The following RABL3 variants were observed in gnomAD, a reference collection of about 807,000 sequenced individuals.
The protein encoded by RABL3 is RAB, member of RAS oncogene family like 3.
Under a neutral mutation model 31.8 loss-of-function variants are expected in RABL3, and 31 were observed. The ratio of observed to expected loss-of-function variants is 0.97; its 90% confidence interval spans 0.73 to 1.31. RABL3 has a LOEUF of 1.31. Among genes scored for constraint, RABL3 ranks in the 40% most tolerant of loss-of-function variants. The pLI is 0.00. For missense variants in RABL3, 263 were observed against 279.6 expected (o/e 0.94, Z 0.42); for synonymous variants, 97 against 99.9 (o/e 0.97, Z 0.18).
At chr3:120,690,340 G>T in intron 7 of RABL3, 109 bp downstream of exon 7, 1 of 720,002 alleles carries the variant, frequency 1.4e-6, no homozygotes, top group Non-Finnish European at 2.5e-6. Flanking sequence ...TCAGTTGCTT[G>T]TGCCTATAAA....
intron 2 of RABL3, 40 bp downstream of exon 2, chr3:120,730,656 T>C: frequency 7.8e-7 from 1 of 1,288,600 alleles, no homozygotes; most frequent in Non-Finnish European, 1.1e-6. Context: ...CAGTTATCTT[T>C]AGTACATTAT....
At position 120,697,271 on chromosome 3, in the gene RABL3, A is replaced by C. The variant is rs561652572; in HGVS notation, c.534+1152T>G. ...TAGAGCACAGGCTCTGAATCTGAAT[A>C]CCCTAATTGACCTGGGTAAACTTCC... On this transcript the variant is annotated intron_variant, in intron 5 of 7. Transcript: ENST00000273375. 2.0e-5 allele frequency among the ~76,000 whole-genome samples: 3 copies of C among 152,344 alleles called. No individual in the cohort carries two copies. The South Asian group carries it at 6.2e-4, about 32-fold the overall frequency.
chr3:120,739,218 A>T (rs1052346085), intron 1 of RABL3, among the ~76,000 whole-genome samples: 2 of 152,166 alleles, frequency 1.3e-5, no homozygotes, highest in African/African-American at 4.8e-5. Flanking sequence ...CTCTACTAAA[A>T]ATACAAAAAT....
chr3:120,741,895 T>A (rs1196268697), intron 1 of RABL3, among the ~76,000 whole-genome samples: 1 of 152,214 alleles, frequency 6.6e-6, no homozygotes, highest in African/African-American at 2.4e-5. Context: ...AACTTAGCGT[T>A]TAAGTTCGTG....
intron 4 of RABL3, among the ~76,000 whole-genome samples, chr3:120,701,747 G>C (rs755636114): frequency 1.6e-4 from 24 of 152,078 alleles, no homozygotes; most frequent in Non-Finnish European, 2.9e-4. Context: ...ATAACAATTA[G>C]ACTTCCACAC....
Position 120,741,741 on chromosome 3 carries a change from T to G in RABL3, c.46+721A>C, listed in dbSNP as rs576731900. Among the ~76,000 whole-genome samples the G allele has an allele frequency of 2.0e-5, 3 of 152,336 alleles. No homozygotes were observed. The East Asian group carries it at 5.8e-4, about 29-fold the overall frequency. On this transcript the variant is annotated intron_variant, in intron 1 of 7. Coordinates refer to ENST00000273375, the MANE Select transcript of RABL3 (RefSeq NM_173825.5). ...GGCTCAGCGTTAAATCCTAGCTGCTTCAGAATAAAACTCTTACTTTAATTT... is the reference window on the plus strand; with the variant it reads ...GGCTCAGCGTTAAATCCTAGCTGCTGCAGAATAAAACTCTTACTTTAATTT...
chr3:120,704,965 G>A (rs1708532379), intron 4 of RABL3, among the ~76,000 whole-genome samples: 1 of 152,192 alleles, frequency 6.6e-6, no homozygotes. Context: ...GACAGAGGTT[G>A]CAGTGAACTG....
At chr3:120,731,948 A>G (rs968994585) in intron 1 of RABL3, among the ~76,000 whole-genome samples, 2 of 151,854 alleles carry the variant, frequency 1.3e-5, no homozygotes, top group Admixed American at 6.6e-5. Context: ...AGTCCTAGCT[A>G]CTCAGCAGGC....
At chr3:120,733,496 C>T (rs1340683603) in intron 1 of RABL3, among the ~76,000 whole-genome samples, 1 of 152,012 alleles carries the variant, frequency 6.6e-6, no homozygotes, top group Non-Finnish European at 1.5e-5. Context: ...ACATTTTCTC[C>T]CATTCTGTAG....
chr3:120,688,549 A>T lies in RABL3; in HGVS notation c.*1274T>A, dbSNP rs1434580904. 1 of 152,204 alleles carries T rather than the reference A, an allele frequency of 6.6e-6. No homozygotes were observed. Among genetic ancestry groups the T allele is most frequent in the Non-Finnish European group, 1.5e-5 (1 of 68,042 alleles). The allele number at this position is 152,204 out of a possible 1,614,324, so 9.4% of individuals were successfully genotyped here. ...CTAATTAAAATGGAACAGAAAGTGA[A>T]TTTGGTGTTTTCCACCTATTTTTTA... On this transcript the variant is annotated 3_prime_UTR_variant, in exon 8 of 8. Transcript: ENST00000273375.
Position 120,726,349 on chromosome 3 carries a change from G to T in RABL3, c.138+4347C>A, listed in dbSNP as rs80354067. The stretch of plus-strand genomic sequence containing the variant: ...ATTCAAAAGAAGAGTTTAGGGCCCG[G>T]CATGGTGGCTTATGCCTCTAATCCC... On this transcript the variant is annotated intron_variant, in intron 2 of 7. Coordinates refer to ENST00000273375, the MANE Select transcript of RABL3 (RefSeq NM_173825.5). 6.5e-3 allele frequency among the ~76,000 whole-genome samples: 993 copies of T among 152,252 alleles called. 8 individuals carry two copies. The highest frequency in any genetic ancestry group is 0.023 in the African/African-American group (938 of 41,536).
At chr3:120,732,536 G>A (rs201103804) in intron 1 of RABL3, among the ~76,000 whole-genome samples, 2 of 151,942 alleles carry the variant, frequency 1.3e-5, no homozygotes, top group East Asian at 3.9e-4. Context: ...CCTGTATAAA[G>A]AAATATGTTT....
At chr3:120,734,922 G>C in intron 1 of RABL3, among the ~76,000 whole-genome samples, 1 of 152,172 alleles carries the variant, frequency 6.6e-6, no homozygotes, top group Non-Finnish European at 1.5e-5. Flanking sequence ...TAAGCTTTTT[G>C]ATGTGCTGCT....
At position 120,725,772 on chromosome 3, in the gene RABL3, G is replaced by A. The variant is rs375654520; in HGVS notation, c.138+4924C>T. Among the ~76,000 whole-genome samples the A allele has an allele frequency of 4.9e-4, 75 of 152,200 alleles. No homozygotes were observed. The South Asian group carries it at 0.014, about 29-fold the overall frequency. On this transcript the variant is annotated intron_variant, in intron 2 of 7. Transcript: ENST00000273375. ...TGAGAACACATGGACACAGGAAGGCGAACATCACACACTGGGGCCTATTGT... is the reference window on the plus strand; with the variant it reads ...TGAGAACACATGGACACAGGAAGGCAAACATCACACACTGGGGCCTATTGT...
intron 4 of RABL3, among the ~76,000 whole-genome samples, chr3:120,700,339 T>A (rs565784045): frequency 1.3e-5 from 2 of 152,134 alleles, no homozygotes; most frequent in South Asian, 4.1e-4. Flanking sequence ...TCAGAGAAGA[T>A]TTAGAATTCA....
intron 3 of RABL3, among the ~76,000 whole-genome samples, chr3:120,707,671 A>G (rs1261532386): frequency 6.6e-6 from 1 of 152,084 alleles, no homozygotes; most frequent in East Asian, 1.9e-4. Flanking sequence ...CCTTTTCCCC[A>G]GGCTATAAAT....
intron 2 of RABL3, among the ~76,000 whole-genome samples, chr3:120,729,307 T>C (rs1322017056): frequency 6.6e-6 from 1 of 152,140 alleles, no homozygotes; most frequent in Non-Finnish European, 1.5e-5. Context: ...CTTACGGTCT[T>C]GGCAATGACA....
At chr3:120,716,788 A>G (rs944288693) in intron 2 of RABL3, among the ~76,000 whole-genome samples, 1 of 152,224 alleles carries the variant, frequency 6.6e-6, no homozygotes, top group Non-Finnish European at 1.5e-5. Flanking sequence ...TGCTCTCCCA[A>G]GTTATTTAGG....
At chr3:120,695,781 T>C (rs895625490) in intron 5 of RABL3, among the ~76,000 whole-genome samples, 5 of 152,180 alleles carry the variant, frequency 3.3e-5, no homozygotes, top group African/African-American at 4.8e-5. Flanking sequence ...GTCATCAGAA[T>C]GTCAAAAGTT....
Sources: allele counts gnomAD v4.1 joint callset (sites outside exome capture counted in the v4.1 genomes callset), GRCh38; gene constraint gnomAD v4.1.1; transcripts MANE v1.5; gene names NCBI Gene and HGNC (gene_info 2026-07-23, HGNC 2026-07-21).